The following PDCD1LG2 variants were observed in gnomAD, a reference collection of about 807,000 sequenced individuals.
PDCD1LG2 encodes B7 dendritic cell molecule.
Under a neutral mutation model 28.2 loss-of-function variants are expected in PDCD1LG2, and 32 were observed. The ratio of observed to expected loss-of-function variants is 1.13; its 90% confidence interval spans 0.86 to 1.52. The LOEUF (loss-of-function observed/expected upper bound fraction) is 1.52, where lower values mean the gene tolerates loss of function less well. PDCD1LG2 is among the 40% of genes most tolerant of loss of function. The pLI is 0.00. For missense variants in PDCD1LG2, 385 were observed against 323.8 expected (o/e 1.19, Z -1.45); for synonymous variants, 116 against 120.2 (o/e 0.97, Z 0.23).
chr9:5,568,892 ACAAATAT>A (rs1194487753), intron 6 of PDCD1LG2, among the ~76,000 whole-genome samples: 2 of 152,216 alleles, frequency 1.3e-5, no homozygotes, highest in African/African-American at 4.8e-5. Context: ...AGAGATGGGG[ACAAATAT>A]CACTTTAAGC....
At chr9:5,528,291 C>A (rs1364406860) in intron 2 of PDCD1LG2, among the ~76,000 whole-genome samples, 1 of 147,524 alleles carries the variant, frequency 6.8e-6, no homozygotes, top group Non-Finnish European at 1.5e-5. Context: ...TATATATACA[C>A]ACACACACAC....
At chr9:5,513,789 G>A (rs751539871) in intron 1 of PDCD1LG2, among the ~76,000 whole-genome samples, 2 of 152,210 alleles carry the variant, frequency 1.3e-5, no homozygotes, top group Non-Finnish European at 2.9e-5. Context: ...TATTGGGTTT[G>A]TCAGGCAACA....
chr9:5,545,313 G>T (rs1192450547), intron 3 of PDCD1LG2, among the ~76,000 whole-genome samples: 1 of 152,232 alleles, frequency 6.6e-6, no homozygotes, highest in Non-Finnish European at 1.5e-5. Flanking sequence ...CTTACCATAT[G>T]TTGTGTTACT....
chr9:5,569,753 T>A lies in PDCD1LG2; in HGVS notation c.817-201T>A, dbSNP rs2077416357. Among the ~76,000 whole-genome samples the A allele has an allele frequency of 6.6e-6, 1 of 152,202 alleles. No homozygotes were observed. Among genetic ancestry groups the A allele is most frequent in the African/African-American group, 2.4e-5 (1 of 41,452 alleles). On this transcript the variant is annotated intron_variant, in intron 6 of 6. Transcript: ENST00000397747. The surrounding 1 kb of genome is among the most constrained non-coding windows in gnomAD (Gnocchi z 4.1). ...AGAGGAACAGCTCTTGCAATAGGTC[T>A]GAGGAGAGAAGCTGAAGACTTGGAC... is the stretch of plus-strand genomic sequence containing the variant.
chr9:5,525,859 C>T lies in PDCD1LG2; in HGVS notation c.55+3258C>T, dbSNP rs548527279. Among the ~76,000 whole-genome samples, 333 of 151,874 alleles carry T rather than the reference C, an allele frequency of 2.2e-3. 3 individuals carry two copies. In the East Asian group the frequency reaches 0.03, roughly 13 times the overall value. ...GTCAGGAGACCGAGACCAGCCTGGC[C>T]CGCATGGTGAAACCTCGTCTCTACA... On this transcript the variant is annotated intron_variant, in intron 2 of 6. Transcript: ENST00000397747.
chr9:5,534,696 A>C (rs1355504287), intron 2 of PDCD1LG2, 49 bp from the exon 3 acceptor site: 1 of 1,515,342 alleles, frequency 6.6e-7, no homozygotes, highest in Non-Finnish European at 8.9e-7. Context: ...TAAGAACTGG[A>C]ATGTAAAGTA....
intron 6 of PDCD1LG2, among the ~76,000 whole-genome samples, chr9:5,564,094 G>A (rs1378642080): frequency 6.6e-6 from 1 of 152,112 alleles, no homozygotes; most frequent in Non-Finnish European, 1.5e-5. Flanking sequence ...CATATATTTG[G>A]CTGAAGTAAG....
At chr9:5,567,703 T>C (rs1324352839) in intron 6 of PDCD1LG2, among the ~76,000 whole-genome samples, 2 of 152,214 alleles carry the variant, frequency 1.3e-5, no homozygotes, top group Non-Finnish European at 1.5e-5. Context: ...CTCACTCATT[T>C]ATTCATTCAT....
chr9:5,558,291 C>T (rs1816487677), intron 5 of PDCD1LG2, among the ~76,000 whole-genome samples: 1 of 152,212 alleles, frequency 6.6e-6, no homozygotes, highest in South Asian at 2.1e-4. Context: ...TTCAGCAGCT[C>T]CCTTCGAGTT....
intron 1 of PDCD1LG2, among the ~76,000 whole-genome samples, chr9:5,513,249 C>A (rs1256097046): frequency 1.3e-5 from 2 of 152,250 alleles, no homozygotes; most frequent in Non-Finnish European, 2.9e-5. Flanking sequence ...CACGCCTGTG[C>A]ATTTGCACCT....
At chr9:5,511,602 T>C (rs1462137949) in intron 1 of PDCD1LG2, among the ~76,000 whole-genome samples, 1 of 152,160 alleles carries the variant, frequency 6.6e-6, no homozygotes, top group Non-Finnish European at 1.5e-5. Context: ...AGTAAAAATA[T>C]TCAGTGTGAG....
chr9:5,566,137 A>C (rs992709446), intron 6 of PDCD1LG2, among the ~76,000 whole-genome samples: 1 of 152,170 alleles, frequency 6.6e-6, no homozygotes, highest in Non-Finnish European at 1.5e-5. Flanking sequence ...CCGCACTCTC[A>C]TTTTGTGACT....
intron 3 of PDCD1LG2, among the ~76,000 whole-genome samples, chr9:5,544,781 C>A (rs1820760340): frequency 6.6e-6 from 1 of 152,164 alleles, no homozygotes; most frequent in African/African-American, 2.4e-5. Context: ...GCTAAGGGGT[C>A]TGTTATTCAG....
chr9:5,536,818 G>A (rs1407680538), intron 3 of PDCD1LG2, among the ~76,000 whole-genome samples: 1 of 152,188 alleles, frequency 6.6e-6, no homozygotes, highest in Non-Finnish European at 1.5e-5. Flanking sequence ...TAGGAAGTGA[G>A]TTCCTAGATC....
At chr9:5,524,492 C>T (rs113489268) in intron 2 of PDCD1LG2, among the ~76,000 whole-genome samples, 5 of 152,298 alleles carry the variant, frequency 3.3e-5, no homozygotes, top group African/African-American at 1.2e-4. Context: ...TTCTGCTTTC[C>T]ACTATGCAGA....
intron 2 of PDCD1LG2, among the ~76,000 whole-genome samples, chr9:5,523,469 G>T (rs77136706): frequency 0.019 from 2,879 of 152,234 alleles, 114 homozygotes; most frequent in African/African-American, 0.067. Flanking sequence ...CCTACTAGCT[G>T]GTTCCAGATC....
Position 5,570,644 on chromosome 9 carries a change from T to G in PDCD1LG2, c.*685T>G, listed in dbSNP as rs543536824. 72 of 211,576 alleles carry G rather than the reference T, an allele frequency of 3.4e-4. No individual in the cohort carries two copies. Among genetic ancestry groups the G allele is most frequent in the South Asian group, 1.1e-3 (6 of 5,280 alleles). The allele number at this position is 211,576 out of a possible 1,614,324, so 13.1% of individuals were successfully genotyped here. On this transcript the variant is annotated 3_prime_UTR_variant, in exon 7 of 7. Transcript: ENST00000397747. ...GTAATGGCACCATGTTTAATGGTGG[T>G]TTTTTTTTTGAACTACATCTTTCCT...
intron 1 of PDCD1LG2, 34 bp from the exon 2 acceptor site, chr9:5,522,499 A>G (rs749298919): frequency 6.4e-7 from 1 of 1,552,510 alleles, no homozygotes; most frequent in Non-Finnish European, 8.8e-7. Flanking sequence ...GCAAAGTTTC[A>G]CAAGGCCCTG....
intron 2 of PDCD1LG2, among the ~76,000 whole-genome samples, chr9:5,531,874 G>C (rs1224980254): frequency 2.0e-5 from 3 of 152,146 alleles, no homozygotes; most frequent in Admixed American, 6.5e-5. Context: ...AAAAGTAGTA[G>C]GTAATTCTTG....
Sources: gnomAD v4.1 joint callset for allele counts (sites outside exome capture counted in the v4.1 genomes callset) on GRCh38, gnomAD v4.1.1 for gene constraint, Gnocchi (gnomAD v3.1) non-coding constraint, MANE v1.5 for transcripts, NCBI Gene and HGNC (gene_info 2026-07-23, HGNC 2026-07-21) for gene names.